RRBP1: variants seen among roughly 807,000 people sequenced by gnomAD.
The protein encoded by RRBP1 is ribosome binding protein 1.
Under a neutral mutation model 165.2 loss-of-function variants are expected in RRBP1, and 94 were observed. The ratio of observed to expected loss-of-function variants is 0.57; its 90% CI spans 0.48 to 0.68. RRBP1 has a LOEUF of 0.68. Among genes scored for constraint, RRBP1 ranks in the 30% least tolerant of loss-of-function variants. The pLI, the probability that RRBP1 is intolerant of heterozygous loss-of-function variation, is 0.00. For missense variants in RRBP1, 1,676 were observed against 1,763.0 expected (o/e 0.95, Z 0.88); for synonymous variants, 680 against 714.5 (o/e 0.95, Z 0.77).
intron 21 of RRBP1, among the ~76,000 whole-genome samples, chr20:17,616,374 G>A (rs775448878): frequency 7.9e-5 from 12 of 152,302 alleles, no homozygotes; most frequent in African/African-American, 1.7e-4. Flanking sequence ...TCTGGAGAGC[G>A]AATATCCTGC....
At chr20:17,673,653 C>T (rs1471471316) in intron 2 of RRBP1, among the ~76,000 whole-genome samples, 2 of 152,210 alleles carry the variant, frequency 1.3e-5, no homozygotes, top group Non-Finnish European at 2.9e-5. Flanking sequence ...AGGTGATCTG[C>T]CCGCCTTAGC....
intron 7 of RRBP1, 74 bp from the exon 8 acceptor site, chr20:17,633,687 G>C: frequency 6.7e-7 from 1 of 1,485,976 alleles, no homozygotes; most frequent in East Asian, 2.3e-5. Context: ...CCTCCCTCCA[G>C]GACTCCAGCT....
chr20:17,649,349 CTGCTGGTCATGTGCA>C (rs1421621014), intron 3 of RRBP1, among the ~76,000 whole-genome samples: 1 of 152,240 alleles, frequency 6.6e-6, no homozygotes, highest in African/African-American at 2.4e-5. Context: ...GCTCTGCCAT[CTGCTGGTCATGTGCA>C]TGACTTCTGG....
At chr20:17,641,513 A>T in intron 5 of RRBP1, 1 of 502,528 alleles carries the variant, frequency 2.0e-6, no homozygotes, top group Non-Finnish European at 3.6e-6. Context: ...CCCCATCACA[A>T]ACTGATGCTG....
intron 7 of RRBP1, among the ~76,000 whole-genome samples, chr20:17,634,680 T>C (rs570800840): frequency 3.3e-5 from 5 of 152,366 alleles, no homozygotes; most frequent in East Asian, 1.9e-4. Flanking sequence ...GCAGATCCTA[T>C]GTGGGGAGAC....
Position 17,614,859 on chromosome 20 carries a change from T to A in RRBP1, c.4072A>T (p.Lys1358Ter), listed in dbSNP as rs1055462388. The change falls in exon 24 of 25, where the codon AAG becomes TAG. Residue 1358 changes from lysine to a stop codon, truncating the protein, a stop_gained. Coordinates refer to ENST00000377813, the MANE Select transcript of RRBP1 (RefSeq NM_001365613.2). LOFTEE classifies it high-confidence loss of function. ...GCGCGCCCCAGGTCACTTGTTAACT[T>A]CTTCTCTTTTTCTAGTCTCTCCTGA... The part of the protein sequence containing the change: ...QLKERLEKEK[K>*]LTSDLGRAAT... 1.9e-6 allele frequency: 3 copies of A among 1,612,952 alleles called. No individual in the cohort carries two copies. The highest frequency in any genetic ancestry group is 1.7e-6 in the Non-Finnish European group (2 of 1,179,890).
chr20:17,660,038 A>G lies in RRBP1; in HGVS notation c.470T>C (p.Val157Ala). The stretch of plus-strand genomic sequence containing the variant: ...CGAAGTGAGAACCTGGATGGAATTC[A>G]CTACAGAGCTGACAGCTGGTTCCAC... Reference protein sequence around the residue: ...AKVEPAVSSVVNSIQVLTSKA... With the variant: ...AKVEPAVSSVANSIQVLTSKA... The change falls in exon 3 of 25, where the codon GTG (valine) becomes GCG (alanine). Residue 157 changes from valine to alanine, a missense_variant. Physicochemically the swap from Val to Ala is moderately conservative, Grantham distance 64. Transcript: ENST00000377813. 1 of 1,613,516 alleles carries G rather than the reference A, an allele frequency of 6.2e-7. No homozygotes were observed. The highest frequency in any genetic ancestry group is 8.5e-7 in the Non-Finnish European group (1 of 1,179,762).
chr20:17,681,147 G>A (rs2037175300), intron 1 of RRBP1, among the ~76,000 whole-genome samples: 1 of 150,854 alleles, frequency 6.6e-6, no homozygotes, highest in African/African-American at 2.4e-5. Flanking sequence ...CCGGCCCGGA[G>A]GTGTCCGCTT....
At chr20:17,619,754 C>T (rs761309132) in intron 18 of RRBP1, 26 bp from the exon 19 acceptor site, 107 of 1,541,396 alleles carry the variant, frequency 6.9e-5, no homozygotes, top group Non-Finnish European at 9.1e-5. Context: ...GACACGCACA[C>T]GCATGCGCCA....
intron 3 of RRBP1, among the ~76,000 whole-genome samples, chr20:17,645,360 T>C (rs1306064033): frequency 2.6e-5 from 4 of 152,334 alleles, no homozygotes; most frequent in South Asian, 2.1e-4. Flanking sequence ...TTCTATTAGA[T>C]ATTTTAACAG....
chr20:17,653,179 G>A (rs954125611), intron 3 of RRBP1, among the ~76,000 whole-genome samples: 5 of 152,208 alleles, frequency 3.3e-5, no homozygotes, highest in South Asian at 4.1e-4. Flanking sequence ...CATGCCCACC[G>A]TGCCCAGCGC....
At chr20:17,629,664 C>T (rs1167305429) in intron 9 of RRBP1, among the ~76,000 whole-genome samples, 159 bp downstream of exon 9, 2 of 152,126 alleles carry the variant, frequency 1.3e-5, no homozygotes, top group Admixed American at 6.5e-5. Flanking sequence ...TGGGCATAAT[C>T]CCCTGCTCTT....
In RRBP1 at chr20:17,643,486, T is replaced by C. The variant is rs2036406117; in HGVS notation, c.1913-359A>G. On this transcript the variant is annotated intron_variant, in intron 3 of 24. Transcript: ENST00000377813. The surrounding 1 kb of genome is among the most constrained non-coding windows in gnomAD (Gnocchi z 4.3). ...CTCCCTTCCTTTTTTTTCTCGCAAA[T>C]GCACTGGTCCTGTTCTCAACCTGCA... 6.6e-6 allele frequency among the ~76,000 whole-genome samples: 1 copy of C among 151,950 alleles called. No homozygotes were observed. The highest frequency in any genetic ancestry group is 1.5e-5 in the Non-Finnish European group (1 of 67,974).
intron 5 of RRBP1, among the ~76,000 whole-genome samples, chr20:17,640,071 C>T (rs1439889417): frequency 6.6e-6 from 1 of 152,168 alleles, no homozygotes; most frequent in Admixed American, 6.5e-5. Context: ...CCCTCAGCTG[C>T]GAGGTGGCCT....
intron 2 of RRBP1, among the ~76,000 whole-genome samples, chr20:17,667,437 G>A (rs1319527590): frequency 1.3e-5 from 2 of 151,988 alleles, no homozygotes; most frequent in Non-Finnish European, 2.9e-5. Context: ...TTCTGACACG[G>A]CCATTTATCA....
intron 13 of RRBP1, among the ~76,000 whole-genome samples, 155 bp downstream of exon 13, chr20:17,624,421 T>A (rs2035976176): frequency 2.6e-5 from 4 of 152,190 alleles, no homozygotes; most frequent in Admixed American, 2.6e-4. Flanking sequence ...TGTGTCCTAG[T>A]GCTTCTATGC....
At chr20:17,652,273 C>A (rs1234322765) in intron 3 of RRBP1, among the ~76,000 whole-genome samples, 1 of 152,204 alleles carries the variant, frequency 6.6e-6, no homozygotes, top group East Asian at 1.9e-4. Context: ...CCACATGTGA[C>A]TAGTAGGCAC....
chr20:17,674,278 T>C (rs1183169819), intron 2 of RRBP1, among the ~76,000 whole-genome samples: 7 of 152,122 alleles, frequency 4.6e-5, no homozygotes, highest in Non-Finnish European at 1.0e-4. Context: ...GGGCTGGACG[T>C]AGTATTGCCT....
chr20:17,669,961 C>T (rs142056200), intron 2 of RRBP1, among the ~76,000 whole-genome samples: 1 of 152,304 alleles, frequency 6.6e-6, no homozygotes, highest in East Asian at 1.9e-4. Context: ...GGACCTTCAA[C>T]ACAGTGCTAA....
Sources: gnomAD v4.1 joint callset for allele counts (sites outside exome capture counted in the v4.1 genomes callset) on GRCh38, gnomAD v4.1.1 for gene constraint, Gnocchi (gnomAD v3.1) non-coding constraint, MANE v1.5 for transcripts, NCBI Gene and HGNC (gene_info 2026-07-23, HGNC 2026-07-21) for gene names.